Variants in SSH2 observed in about 807,000 individuals in gnomAD.
The protein encoded by SSH2 is slingshot protein phosphatase 2.
In SSH2, 37 loss-of-function variants were observed where a neutral mutation model predicts 135.2. The observed-to-expected ratio is 0.27, with a 90% CI of 0.21 to 0.36. The LOEUF (loss-of-function observed/expected upper bound fraction) is 0.36. Ranked by LOEUF, SSH2 falls within the 10% of genes least tolerant of loss-of-function variation. The probability of loss-of-function intolerance (pLI) is 1.00; values close to 1 mark genes in which losing one functional copy is unlikely to be tolerated. For synonymous variants in SSH2, 628 were observed against 646.2 expected (o/e 0.97, Z 0.43); for missense variants, 1,408 against 1,765.3 (o/e 0.80, Z 3.63).
intron 1 of SSH2, among the ~76,000 whole-genome samples, chr17:29,920,913 C>T (rs905609915): frequency 2.0e-5 from 3 of 151,596 alleles, no homozygotes; most frequent in African/African-American, 7.3e-5. Flanking sequence ...GGAAAATTTG[C>T]AACATAACAG....
chr17:29,776,458 A>T (rs1345023683), intron 3 of SSH2: 1 of 152,216 alleles, frequency 6.6e-6, no homozygotes, highest in Non-Finnish European at 1.5e-5. Context: ...TGGACATTAC[A>T]GTTGTGTTCC....
At chr17:29,867,685 T>C (rs910452204) in intron 1 of SSH2, among the ~76,000 whole-genome samples, 10 of 152,156 alleles carry the variant, frequency 6.6e-5, no homozygotes, top group Non-Finnish European at 1.5e-4. Flanking sequence ...TGGGGATGTA[T>C]GCCAGGAAAG....
chr17:29,636,842 G>A (rs1044812845), intron 14 of SSH2, 40 bp from the exon 15 acceptor site: 2 of 1,408,466 alleles, frequency 1.4e-6, no homozygotes, highest in South Asian at 2.6e-5. Flanking sequence ...AATCTGGTTT[G>A]TAAAGATAAT....
intron 11 of SSH2, 34 bp from the exon 12 acceptor site, chr17:29,655,641 T>G: frequency 6.3e-7 from 1 of 1,597,778 alleles, no homozygotes; most frequent in African/African-American, 1.3e-5. Context: ...TAAGGAGTAT[T>G]AGCAAATCAA....
intron 3 of SSH2, among the ~76,000 whole-genome samples, chr17:29,729,470 G>A (rs957875721): frequency 1.3e-5 from 2 of 152,198 alleles, no homozygotes; most frequent in Non-Finnish European, 2.9e-5. Flanking sequence ...CCACTATGGA[G>A]AACAGTTTGG....
intron 2 of SSH2, among the ~76,000 whole-genome samples, chr17:29,821,792 C>T (rs926893876): frequency 2.6e-5 from 4 of 151,908 alleles, no homozygotes; most frequent in South Asian, 2.1e-4. Context: ...TACAGGCACA[C>T]GCCATCACGC....
At chr17:29,659,117 G>A (rs1258382683) in intron 11 of SSH2, among the ~76,000 whole-genome samples, 3 of 152,024 alleles carry the variant, frequency 2.0e-5, no homozygotes, top group Non-Finnish European at 4.4e-5. Flanking sequence ...ACCACTAAAT[G>A]TAACAGTTCA....
At position 29,676,866 on chromosome 17, in the gene SSH2, C is replaced by G. The variant is rs767304941; in HGVS notation, c.568G>C (p.Asp190His). Residue 190 changes from aspartate to histidine, a missense_variant, in exon 8 of 16, where the codon GAT (aspartate) becomes CAT (histidine). By Grantham distance (81) the Asp-to-His change is moderately conservative. This residue lies in a region of SSH2 where 222 missense variants were observed against 355.6 expected (regional missense o/e 0.62). Coordinates refer to ENST00000540801, the MANE Select transcript of SSH2 (RefSeq NM_001282129.2). The stretch of plus-strand genomic sequence containing the variant: ...GGTTTGAATATGTGAACTCTGTTAT[C>G]CGTCGATACACTGAACCCACTAAGG... ...DGDGGFSVST[D>H]NRVHIFKPVS... is the part of the protein sequence containing the mutation. The G allele has an allele frequency of 3.7e-6, 6 of 1,613,896 alleles. No homozygotes were observed. The highest frequency in any genetic ancestry group is 5.1e-6 in the Non-Finnish European group (6 of 1,179,860).
At chr17:29,811,202 G>A (rs2042435983) in intron 2 of SSH2, among the ~76,000 whole-genome samples, 1 of 151,980 alleles carries the variant, frequency 6.6e-6, no homozygotes, top group Non-Finnish European at 1.5e-5. Context: ...TGCCATGTTG[G>A]CCAGGCTGGT....
At chr17:29,668,189 T>C (rs2037354252) in intron 9 of SSH2, among the ~76,000 whole-genome samples, 2 of 152,200 alleles carry the variant, frequency 1.3e-5, no homozygotes, top group Admixed American at 1.3e-4. Flanking sequence ...GCCTTATCAC[T>C]GGTTGCAAAA....
intron 14 of SSH2, among the ~76,000 whole-genome samples, chr17:29,643,612 C>A (rs901693217): frequency 1.3e-5 from 2 of 152,060 alleles, no homozygotes; most frequent in Non-Finnish European, 2.9e-5. Flanking sequence ...CCTGCCTCAG[C>A]CTCCCGAGTA....
At chr17:29,883,467 TAAC>T in intron 1 of SSH2, among the ~76,000 whole-genome samples, 1 of 152,216 alleles carries the variant, frequency 6.6e-6, no homozygotes, top group East Asian at 1.9e-4. Context: ...AGATTAGTCT[TAAC>T]TATACATGAC....
Position 29,930,031 on chromosome 17 carries a change from C to G in SSH2, c.-31G>C. 1 of 1,356,388 alleles carries G rather than the reference C, an allele frequency of 7.4e-7. No individual in the cohort carries two copies. 84.0% of individuals were successfully genotyped at this position (1,356,388 alleles called of 1,614,324 possible). A position where few individuals can be genotyped will look rare whatever the true frequency, so the allele number is the denominator to read the frequency against. ...CGCTGCTGGGTTGTTCCGGGCAGGG[C>G]ATTCTTGTCCTGAGTGTGGGGGACG... is the stretch of plus-strand genomic sequence containing the variant. On this transcript the variant is annotated 5_prime_UTR_variant, in exon 1 of 16. An upstream start codon of the reference 5' UTR is lost. Transcript: ENST00000540801.
chr17:29,666,490 G>A (rs1036585830), intron 11 of SSH2, among the ~76,000 whole-genome samples: 3 of 152,058 alleles, frequency 2.0e-5, no homozygotes, highest in African/African-American at 7.2e-5. Context: ...CAAGACCAAC[G>A]TGGCCAAGAT....
intron 5 of SSH2, among the ~76,000 whole-genome samples, chr17:29,692,539 G>A (rs2038532249): frequency 6.6e-6 from 1 of 152,226 alleles, no homozygotes; most frequent in East Asian, 1.9e-4. Flanking sequence ...TGCCAGCTCT[G>A]CCTTTGTAAC....
At chr17:29,823,652 C>A (rs2042693004) in intron 2 of SSH2, among the ~76,000 whole-genome samples, 2 of 152,050 alleles carry the variant, frequency 1.3e-5, no homozygotes, top group Admixed American at 6.6e-5. Flanking sequence ...CCAAGGTGGG[C>A]AGATCACTTT....
intron 1 of SSH2, among the ~76,000 whole-genome samples, chr17:29,884,123 AATTT>A (rs1176742305): frequency 6.6e-6 from 1 of 151,998 alleles, no homozygotes; most frequent in Non-Finnish European, 1.5e-5. Context: ...CTATATTCAC[AATTT>A]GTTTGATCAA....
intron 8 of SSH2, 167 bp downstream of exon 8, chr17:29,676,653 T>C (rs554690902): frequency 1.2e-5 from 7 of 562,900 alleles, no homozygotes; most frequent in African/African-American, 1.1e-4. Context: ...GCCTTCCAAT[T>C]GCAACAATTT....
At chr17:29,796,650 T>C (rs951397587) in intron 2 of SSH2, among the ~76,000 whole-genome samples, 9 of 152,216 alleles carry the variant, frequency 5.9e-5, no homozygotes, top group Non-Finnish European at 1.2e-4. Flanking sequence ...CAATATTTTC[T>C]ATACTTTTTA....
Sources: gnomAD v4.1 joint callset for allele counts (sites outside exome capture counted in the v4.1 genomes callset) on GRCh38, gnomAD v4.1.1 for gene constraint, gnomAD v4.1.1 regional missense constraint, MANE v1.5 for transcripts, NCBI Gene and HGNC (gene_info 2026-07-23, HGNC 2026-07-21) for gene names.